GRM8: variants seen among roughly 807,000 people sequenced by gnomAD.
GRM8 encodes the protein metabotropic glutamate receptor 8.
GRM8 carries 47 observed loss-of-function variants against 87.2 expected under a neutral mutation model. The ratio of observed to expected loss-of-function variants is 0.54; its 90% CI spans 0.43 to 0.69. The LOEUF (loss-of-function observed/expected upper bound fraction) is 0.69. GRM8 is among the 30% of genes least tolerant of loss of function. The pLI, the probability that GRM8 is intolerant of heterozygous loss-of-function variation, is 0.00. For missense variants in GRM8, 1,019 were observed against 1,139.2 expected (o/e 0.89, Z 1.52); for synonymous variants, 396 against 404.5 (o/e 0.98, Z 0.25).
intron 6 of GRM8, among the ~76,000 whole-genome samples, chr7:126,896,484 A>G (rs574911816): frequency 6.6e-6 from 1 of 152,200 alleles, no homozygotes; most frequent in African/African-American, 2.4e-5. Flanking sequence ...ATCCCCCTTG[A>G]TGACTACCTA....
At chr7:126,606,520 G>T (rs1285553240) in intron 8 of GRM8, among the ~76,000 whole-genome samples, 2 of 151,998 alleles carry the variant, frequency 1.3e-5, no homozygotes, top group African/African-American at 4.8e-5. Flanking sequence ...TTAACAAGTT[G>T]GTAGCTTGCC....
At chr7:126,589,471 C>A (rs1468668485) in intron 8 of GRM8, among the ~76,000 whole-genome samples, 3 of 152,148 alleles carry the variant, frequency 2.0e-5, no homozygotes, top group Non-Finnish European at 2.9e-5. Context: ...CTGCAGCAAG[C>A]CCTGCCCAAG....
At chr7:127,207,655 T>C (rs1038664502) in intron 2 of GRM8, among the ~76,000 whole-genome samples, 4 of 152,142 alleles carry the variant, frequency 2.6e-5, no homozygotes, top group African/African-American at 7.2e-5. Context: ...CCCCTCTTGG[T>C]TAAGGGGACC....
At chr7:127,054,412 T>C (rs1346181918) in intron 3 of GRM8, among the ~76,000 whole-genome samples, 1 of 152,220 alleles carries the variant, frequency 6.6e-6, no homozygotes, top group African/African-American at 2.4e-5. Context: ...CCCACTAAAC[T>C]GCTTAATATA....
intron 9 of GRM8, among the ~76,000 whole-genome samples, chr7:126,494,551 C>T (rs1808454974): frequency 6.6e-6 from 1 of 151,848 alleles, no homozygotes; most frequent in Admixed American, 6.6e-5. Context: ...AGCATAGTAA[C>T]TGATTGCAAG....
chr7:126,462,383 C>T (rs1196818208), intron 9 of GRM8, among the ~76,000 whole-genome samples: 1 of 151,418 alleles, frequency 6.6e-6, no homozygotes, highest in South Asian at 2.1e-4. Context: ...ATGGTAATTA[C>T]CCACATCACA....
intron 2 of GRM8, among the ~76,000 whole-genome samples, chr7:127,180,588 T>C (rs1286226572): frequency 6.6e-6 from 1 of 151,878 alleles, no homozygotes; most frequent in East Asian, 1.9e-4. Context: ...ACATTGATGC[T>C]AAAATCCTTA....
intron 9 of GRM8, among the ~76,000 whole-genome samples, chr7:126,530,437 G>A (rs2150841203): frequency 6.6e-6 from 1 of 152,314 alleles, no homozygotes; most frequent in South Asian, 2.1e-4. Context: ...TTTGAGCCTG[G>A]CACCTTGCTG....
intron 3 of GRM8, among the ~76,000 whole-genome samples, chr7:127,023,620 T>G (rs1816490225): frequency 6.6e-6 from 1 of 152,128 alleles, no homozygotes; most frequent in Non-Finnish European, 1.5e-5. Context: ...AAACTATTAA[T>G]TTTACATTTC....
intron 6 of GRM8, among the ~76,000 whole-genome samples, chr7:126,872,910 T>A (rs1003111010): frequency 6.6e-6 from 1 of 152,158 alleles, no homozygotes; most frequent in African/African-American, 2.4e-5. Context: ...AAAAAGAAGA[T>A]AACTTTTGTG....
At chr7:127,236,135 CA>C (rs1288622327) in intron 2 of GRM8, among the ~76,000 whole-genome samples, 17 of 152,144 alleles carry the variant, frequency 1.1e-4, no homozygotes, top group East Asian at 3.8e-4. Context: ...CATCATCTCA[CA>C]TTTTTTTTGG....
intron 8 of GRM8, among the ~76,000 whole-genome samples, chr7:126,553,736 C>A (rs1201459062): frequency 6.6e-6 from 1 of 152,086 alleles, no homozygotes; most frequent in African/African-American, 2.4e-5. Flanking sequence ...GATTACAATA[C>A]AAAATATGGT....
intron 2 of GRM8, among the ~76,000 whole-genome samples, chr7:127,117,635 G>T (rs1826778531): frequency 6.6e-6 from 1 of 152,136 alleles, no homozygotes; most frequent in African/African-American, 2.4e-5. Flanking sequence ...TGTTATAATA[G>T]AAAAACCAAA....
chr7:126,891,505 G>C (rs1019609447), intron 6 of GRM8, among the ~76,000 whole-genome samples: 3 of 151,954 alleles, frequency 2.0e-5, no homozygotes, highest in African/African-American at 7.2e-5. Context: ...TATATGATCT[G>C]TCCCTTGCCT....
At chr7:126,746,800 C>T (rs1815746117) in intron 7 of GRM8, among the ~76,000 whole-genome samples, 1 of 151,398 alleles carries the variant, frequency 6.6e-6, no homozygotes, top group African/African-American at 2.4e-5. Flanking sequence ...TCTAAAATTG[C>T]TCAATAAAGC....
intron 7 of GRM8, among the ~76,000 whole-genome samples, chr7:126,767,572 AAAAGTT>A (rs1434399652): frequency 1.3e-5 from 2 of 152,142 alleles, no homozygotes; most frequent in African/African-American, 4.8e-5. Context: ...TAAGAAGCTC[AAAAGTT>A]AATGATTTCA....
At chr7:126,519,153 C>A (rs1812599097) in intron 9 of GRM8, among the ~76,000 whole-genome samples, 1 of 151,972 alleles carries the variant, frequency 6.6e-6, no homozygotes, top group Non-Finnish European at 1.5e-5. Context: ...GAAGAATGCA[C>A]AAGAATTATG....
At chr7:126,940,764 T>C (rs944022259) in intron 3 of GRM8, among the ~76,000 whole-genome samples, 9 of 151,076 alleles carry the variant, frequency 6.0e-5, no homozygotes, top group African/African-American at 9.9e-5. Flanking sequence ...CAATTTGTTG[T>C]TGTTGTTGTT....
At chr7:126,923,939 TC>T (rs35077363) in intron 3 of GRM8, among the ~76,000 whole-genome samples, 23,141 of 152,126 alleles carry the variant, frequency 0.15, 2,007 homozygotes, top group Non-Finnish European at 0.21. Context: ...AATCACAGAT[TC>T]CATTAATCTG....
Sources: allele counts gnomAD v4.1 joint callset (sites outside exome capture counted in the v4.1 genomes callset), GRCh38; gene constraint gnomAD v4.1.1; transcripts MANE v1.5; gene names NCBI Gene and HGNC (gene_info 2026-07-23, HGNC 2026-07-21).